Variants in TTC23L observed in about 807,000 individuals in gnomAD.
TTC23L encodes tetratricopeptide repeat domain 23 like, also known as tetratricopeptide repeat protein 23-like.
TTC23L carries 42 observed loss-of-function variants against 48.1 expected under a neutral mutation model. The observed-to-expected ratio is 0.87, with a 90% CI of 0.68 to 1.13. The LOEUF is 1.13. Among genes scored for constraint, TTC23L ranks in the 50% most tolerant of loss-of-function variants. The probability of loss-of-function intolerance (pLI) is 0.00; values close to 1 mark genes in which losing one functional copy is unlikely to be tolerated. For synonymous variants in TTC23L, 159 were observed against 157.2 expected (o/e 1.01, Z -0.09); for missense variants, 391 against 421.0 (o/e 0.93, Z 0.62).
chr5:34,848,406 A>G (rs1404201330), intron 3 of TTC23L, among the ~76,000 whole-genome samples: 1 of 152,202 alleles, frequency 6.6e-6, no homozygotes, highest in Non-Finnish European at 1.5e-5. Flanking sequence ...AATGTGTTAC[A>G]CCTGTGTGTA....
downstream of TTC23L, among the ~76,000 whole-genome samples, chr5:34,904,384 A>T (rs1763582928): frequency 6.6e-6 from 1 of 151,312 alleles, no homozygotes. Context: ...TCACAAGGTC[A>T]AAAGATCGAG....
At chr5:34,914,077 A>T in the TTC23L span, 1 of 451,448 alleles carries the variant, frequency 2.2e-6, no homozygotes, top group African/African-American at 2.0e-5. Context: ...CCCTGAGATC[A>T]TGCTGTGCAC....
At chr5:34,922,039 G>A in the TTC23L span, 1 of 372,946 alleles carries the variant, frequency 2.7e-6, no homozygotes, top group Non-Finnish European at 4.8e-6. Context: ...ACCTTGGGTA[G>A]AATACCTAAG....
At chr5:34,858,432 T>C (rs376025734) in intron 4 of TTC23L, among the ~76,000 whole-genome samples, 4 of 152,278 alleles carry the variant, frequency 2.6e-5, no homozygotes, top group African/African-American at 9.6e-5. Context: ...TGAAAATAAT[T>C]ATCACAAGTG....
At chr5:34,904,592 CAAAA>C in the TTC23L span, among the ~76,000 whole-genome samples, 2 of 107,572 alleles carry the variant, frequency 1.9e-5, no homozygotes, top group Non-Finnish European at 3.9e-5. Context: ...GACTCCATCT[CAAAA>C]AAAAAAAAAA....
At chr5:34,921,393 C>A in the TTC23L span, 21 of 152,060 alleles carry the variant, frequency 1.4e-4, no homozygotes, top group Non-Finnish European at 2.5e-4. Context: ...AAATGAAGAA[C>A]AACTTAAGTT....
intron 9 of TTC23L, among the ~76,000 whole-genome samples, chr5:34,888,282 T>TA (rs777732682): frequency 6.6e-5 from 10 of 152,168 alleles, no homozygotes; most frequent in Non-Finnish European, 1.0e-4. Context: ...TAAGCCTAGG[T>TA]AGGGGCTACA....
intron 8 of TTC23L, among the ~76,000 whole-genome samples, chr5:34,873,404 G>A (rs555199413): frequency 1.3e-5 from 2 of 152,204 alleles, no homozygotes; most frequent in Non-Finnish European, 2.9e-5. Flanking sequence ...TTTGAGTAAA[G>A]AGAAAATCAG....
chr5:34,852,740 G>A (rs1759777750), intron 4 of TTC23L, among the ~76,000 whole-genome samples: 1 of 152,036 alleles, frequency 6.6e-6, no homozygotes, highest in African/African-American at 2.4e-5. Context: ...CAAGTGGTGG[G>A]GTGTATTAGT....
At chr5:34,862,866 T>G (rs775060020) in intron 4 of TTC23L, 32 bp from the exon 5 acceptor site, 1 of 1,611,826 alleles carries the variant, frequency 6.2e-7, no homozygotes, top group Non-Finnish European at 8.5e-7. Flanking sequence ...TTAATGTCTG[T>G]CTTCTTGCTC....
chr5:34,913,009 C>A, the TTC23L span, among the ~76,000 whole-genome samples: 2 of 151,976 alleles, frequency 1.3e-5, no homozygotes, highest in Admixed American at 1.3e-4. Flanking sequence ...CTCAAAAACA[C>A]CACAAAATCA....
At chr5:34,866,008 G>GAAA (rs1761025487) in intron 6 of TTC23L, among the ~76,000 whole-genome samples, 1 of 152,198 alleles carries the variant, frequency 6.6e-6, no homozygotes, top group African/African-American at 2.4e-5. Flanking sequence ...AGAAGGAAAT[G>GAAA]TAGGCTTATA....
the TTC23L span, chr5:34,925,209 T>G: frequency 1.6e-6 from 1 of 634,674 alleles, no homozygotes; most frequent in Non-Finnish European, 2.2e-6. Context: ...CATCTAATCT[T>G]TTTTTTTTTT....
At chr5:34,878,257 T>C (rs182928799) in intron 8 of TTC23L, among the ~76,000 whole-genome samples, 1 of 152,286 alleles carries the variant, frequency 6.6e-6, no homozygotes, top group Non-Finnish European at 1.5e-5. Context: ...TCCTAGCTAC[T>C]TGGGAGGCTG....
rs1264559107 is a variant in TTC23L, at chr5:34,887,897, A to C, written c.1077+7589A>C. On this transcript the variant is annotated intron_variant, in intron 9 of 10. Coordinates refer to ENST00000505624, the Ensembl canonical transcript of TTC23L. ...TGTAAGGATTTACCATGTTTCACAC[A>C]AAGTCAGTGTAAGGAGAGGCTCATT... Among the ~76,000 whole-genome samples, 7 of 152,368 alleles carry C rather than the reference A, an allele frequency of 4.6e-5. No homozygotes were observed. The East Asian group carries it at 1.2e-3, about 25-fold the overall frequency.
At chr5:34,874,754 A>G (rs1422251897) in intron 8 of TTC23L, among the ~76,000 whole-genome samples, 1 of 152,128 alleles carries the variant, frequency 6.6e-6, no homozygotes, top group East Asian at 1.9e-4. Context: ...AAATTTAAAA[A>G]GCAAAACCAC....
chr5:34,918,320 C>A, the TTC23L span: 4 of 1,006,194 alleles, frequency 4.0e-6, no homozygotes, highest in Non-Finnish European at 6.2e-6. Context: ...AAGATCAGTT[C>A]AGTATAAGAT....
intron 4 of TTC23L, among the ~76,000 whole-genome samples, 178 bp from the exon 5 acceptor site, chr5:34,862,720 A>T (rs1392929862): frequency 6.6e-6 from 1 of 152,142 alleles, no homozygotes; most frequent in East Asian, 1.9e-4. Flanking sequence ...GGGGCCCAGG[A>T]ACCTGTATTC....
intron 9 of TTC23L, among the ~76,000 whole-genome samples, chr5:34,881,689 T>G (rs1173166531): frequency 6.6e-6 from 1 of 152,202 alleles, no homozygotes; most frequent in Non-Finnish European, 1.5e-5. Flanking sequence ...TTAATTGCCA[T>G]TTGTAAAGAC....
Sources: gnomAD v4.1 joint callset for allele counts (sites outside exome capture counted in the v4.1 genomes callset) on GRCh38, gnomAD v4.1.1 for gene constraint, MANE v1.5 for transcripts, NCBI Gene and HGNC (gene_info 2026-07-23, HGNC 2026-07-21) for gene names.